Variants in SARDH observed in about 807,000 individuals in gnomAD.
The protein encoded by SARDH is sarcosine dehydrogenase, mitochondrial.
A neutral mutation model predicts 109.1 loss-of-function variants in SARDH; 95 were observed. The ratio of observed to expected loss-of-function variants is 0.87; its 90% confidence interval spans 0.74 to 1.03. The LOEUF (loss-of-function observed/expected upper bound fraction) is 1.03. SARDH is among the 50% of genes least tolerant of loss of function. The probability of loss-of-function intolerance (pLI) is 0.00; values close to 1 mark genes in which losing one functional copy is unlikely to be tolerated. For missense variants in SARDH, 1,267 were observed against 1,287.8 expected, an observed-to-expected ratio of 0.98 and a Z score of 0.25; for synonymous variants, 572 against 534.8, an observed-to-expected ratio of 1.07 and a Z score of -0.96.
At chr9:133,667,386 G>A (rs900207906) in intron 19 of SARDH, among the ~76,000 whole-genome samples, 1 of 151,662 alleles carries the variant, frequency 6.6e-6, no homozygotes, top group Non-Finnish European at 1.5e-5. Context: ...GGCTGGTCTC[G>A]AACTCCTGAC....
chr9:133,709,975 C>T lies in SARDH; in HGVS notation c.1329-1547G>A, dbSNP rs758002783. On this transcript the variant is annotated intron_variant, in intron 10 of 20. Transcript: ENST00000439388. The surrounding 1 kb of genome is among the most constrained non-coding windows in gnomAD (Gnocchi z 4.2). ...TTGGGGGCAGCAGTGAGGTGCACGTCGGGTGGCAGGAGCAGCGAGTGACCT... is the reference window on the plus strand; with the variant it reads ...TTGGGGGCAGCAGTGAGGTGCACGTTGGGTGGCAGGAGCAGCGAGTGACCT... 6.6e-6 allele frequency among the ~76,000 whole-genome samples: 1 copy of T among 152,176 alleles called. No homozygotes were observed. Among genetic ancestry groups the T allele is most frequent in the African/African-American group, 2.4e-5 (1 of 41,430 alleles).
intron 17 of SARDH, among the ~76,000 whole-genome samples, chr9:133,680,719 G>A (rs1830667847): frequency 6.6e-6 from 1 of 151,986 alleles, no homozygotes; most frequent in African/African-American, 2.4e-5. Context: ...GCTCCTGAGG[G>A]CCACAGTCGT....
intron 6 of SARDH, chr9:133,725,473 G>C: frequency 2.4e-6 from 1 of 409,886 alleles, no homozygotes; most frequent in Non-Finnish European, 4.9e-6. Context: ...AGGAGTTCGA[G>C]ACCAGCCTTG....
Position 133,673,598 on chromosome 9 carries a change from TCTAAGTTGC to T in SARDH, c.2164-1910_2164-1902del, listed in dbSNP as rs529155511. ...AGCTTTGGAAATAGCGCAAATTTGC[TCTAAGTTGC>T]CATTTGCCCAGGCCTCCTAAAAAAC... On this transcript the variant is annotated intron_variant, in intron 17 of 20. Transcript: ENST00000439388. Among the ~76,000 whole-genome samples the T allele has an allele frequency of 3.1e-4, 47 of 152,326 alleles. No individual in the cohort carries two copies. The South Asian group carries it at 7.0e-3, about 23-fold the overall frequency.
At chr9:133,667,534 G>A (rs1830118078) in intron 19 of SARDH, among the ~76,000 whole-genome samples, 1 of 151,508 alleles carries the variant, frequency 6.6e-6, no homozygotes, top group Non-Finnish European at 1.5e-5. Context: ...ATACATGAAT[G>A]CTCACTGTAA....
At chr9:133,739,353 C>T (rs898834099), upstream of SARDH, among the ~76,000 whole-genome samples, 4 of 152,194 alleles carry the variant, frequency 2.6e-5, no homozygotes, top group East Asian at 1.9e-4. Context: ...CGAGGATGTC[C>T]GACTGTCTTG....
intron 1 of SARDH, 29 bp from the exon 2 acceptor site, chr9:133,734,232 T>A: frequency 7.0e-7 from 1 of 1,430,944 alleles, no homozygotes; most frequent in Non-Finnish European, 9.2e-7. Flanking sequence ...CTGGGTGGGG[T>A]GCAGAGGGGA....
intron 19 of SARDH, among the ~76,000 whole-genome samples, chr9:133,668,320 C>CCTCATT (rs1830155908): frequency 3.7e-5 from 5 of 135,576 alleles, no homozygotes; most frequent in Non-Finnish European, 8.0e-5. Flanking sequence ...TCTCCCCCAC[C>CCTCATT]CTCCCTCTCC....
At chr9:133,726,195 C>G (rs1287257168) in intron 6 of SARDH, among the ~76,000 whole-genome samples, 2 of 151,398 alleles carry the variant, frequency 1.3e-5, no homozygotes, top group African/African-American at 2.4e-5. Context: ...ATAGCAAAAC[C>G]CCATCTCTAT....
chr9:133,706,712 C>T (rs1831707881), intron 11 of SARDH, among the ~76,000 whole-genome samples: 1 of 152,164 alleles, frequency 6.6e-6, no homozygotes, highest in Non-Finnish European at 1.5e-5. Context: ...AAAGAAAACC[C>T]ACTCTCGGGT....
intron 3 of SARDH, 130 bp from the exon 4 acceptor site, chr9:133,731,614 C>T (rs781727267): frequency 2.0e-5 from 17 of 853,304 alleles, no homozygotes; most frequent in Admixed American, 5.3e-5. Flanking sequence ...GGTCCCCACG[C>T]CCCCGGAGCC....
At chr9:133,694,476 G>A in intron 14 of SARDH, 105 bp from the exon 15 acceptor site, 1 of 940,106 alleles carries the variant, frequency 1.1e-6, no homozygotes, top group Non-Finnish European at 1.7e-6. Context: ...TTGTCACGGA[G>A]GCTGGATAAC....
At chr9:133,706,160 A>G (rs1469483454) in intron 11 of SARDH, among the ~76,000 whole-genome samples, 3 of 152,216 alleles carry the variant, frequency 2.0e-5, no homozygotes, top group Non-Finnish European at 4.4e-5. Context: ...CCGTTCACGC[A>G]TGTTCACTGA....
At chr9:133,677,562 C>T (rs1188167002) in intron 17 of SARDH, among the ~76,000 whole-genome samples, 1 of 152,212 alleles carries the variant, frequency 6.6e-6, no homozygotes, top group Non-Finnish European at 1.5e-5. Flanking sequence ...GGGACCTCTC[C>T]ACCCATGGAA....
intron 15 of SARDH, 122 bp downstream of exon 15, chr9:133,694,136 C>T (rs1376667080): frequency 2.8e-5 from 20 of 702,642 alleles, no homozygotes; most frequent in African/African-American, 3.6e-5. Context: ...CCACAGCGGG[C>T]ACAACAGCTA....
intron 20 of SARDH, among the ~76,000 whole-genome samples, chr9:133,664,862 C>T (rs932644470): frequency 6.6e-6 from 1 of 152,218 alleles, no homozygotes; most frequent in African/African-American, 2.4e-5. Flanking sequence ...AGGCAGGCAG[C>T]ATGGAGAGCT....
intron 12 of SARDH, chr9:133,703,733 CCT>C (rs1349885300): frequency 6.6e-6 from 1 of 152,362 alleles, no homozygotes; most frequent in Non-Finnish European, 1.5e-5. Context: ...CAATTCTTAA[CCT>C]CCCAGGGCTG....
At position 133,704,320 on chromosome 9, in the gene SARDH, C is replaced by G. The variant is rs148826692; in HGVS notation, c.1554+628G>C. Among the ~76,000 whole-genome samples, 122 of 152,290 alleles carry G rather than the reference C, an allele frequency of 8.0e-4. 1 individual carries two copies. The highest frequency in any genetic ancestry group is 1.5e-3 in the Non-Finnish European group (99 of 68,002). On this transcript the variant is annotated intron_variant, in intron 12 of 20. Coordinates refer to ENST00000439388, the MANE Select transcript of SARDH (RefSeq NM_001134707.2). The surrounding 1 kb of genome is among the most constrained non-coding windows in gnomAD (Gnocchi z 4.5). ...GAAGGGGATTTCGATTTCTGTAAAT[C>G]TGGATCAAATGCTACCCCTCAGCTG...
chr9:133,701,361 T>C (rs1377039961), intron 13 of SARDH, among the ~76,000 whole-genome samples: 6 of 152,262 alleles, frequency 3.9e-5, no homozygotes, highest in African/African-American at 1.2e-4. Context: ...CAGGCATCAC[T>C]GTCCTTCAGG....
Sources: gnomAD v4.1 joint callset for allele counts (sites outside exome capture counted in the v4.1 genomes callset) on GRCh38, gnomAD v4.1.1 for gene constraint, Gnocchi (gnomAD v3.1) non-coding constraint, MANE v1.5 for transcripts, NCBI Gene and HGNC (gene_info 2026-07-23, HGNC 2026-07-21) for gene names.